LRRC27: variants seen among roughly 807,000 people sequenced by gnomAD.
LRRC27 encodes leucine rich repeat containing 27, also known as leucine-rich repeat-containing protein 27.
In LRRC27, 57 loss-of-function variants were observed where a neutral mutation model predicts 55.0. That is an observed-to-expected ratio of 1.04 (90% CI 0.84 to 1.29). LRRC27 has a LOEUF of 1.29. Ranked by LOEUF, LRRC27 falls within the 50% of genes most tolerant of loss-of-function variation. The pLI is 0.00. For synonymous variants in LRRC27, 278 were observed against 251.9 expected, an observed-to-expected ratio of 1.10 and a Z score of -0.98; for missense variants, 721 against 651.5, an observed-to-expected ratio of 1.11 and a Z score of -1.16.
At chr10:132,347,271 G>A (rs999198154) in intron 5 of LRRC27, among the ~76,000 whole-genome samples, 1 of 152,096 alleles carries the variant, frequency 6.6e-6, no homozygotes, top group African/African-American at 2.4e-5. Context: ...GGGAAGGTCA[G>A]GCGCGCCCGG....
chr10:132,349,409 C>T (rs2067895783), intron 6 of LRRC27, among the ~76,000 whole-genome samples: 2 of 152,168 alleles, frequency 1.3e-5, no homozygotes, highest in South Asian at 4.1e-4. Context: ...ACCTTGGAAG[C>T]ATCACTAAAA....
At chr10:132,331,821 T>C (rs1339612946), upstream of LRRC27, 31 of 1,551,180 alleles carry the variant, frequency 2.0e-5, no homozygotes, top group Non-Finnish European at 2.7e-5. Flanking sequence ...CCACCACCCC[T>C]TCAAGGCCGC....
chr10:132,335,481 G>C (rs895200216), intron 2 of LRRC27, among the ~76,000 whole-genome samples: 1 of 151,588 alleles, frequency 6.6e-6, no homozygotes, highest in African/African-American at 2.4e-5. Context: ...ACTATGGGGG[G>C]GGGTCACAGT....
intron 8 of LRRC27, among the ~76,000 whole-genome samples, chr10:132,358,266 C>T (rs978091399): frequency 3.4e-4 from 51 of 152,142 alleles, no homozygotes; most frequent in African/African-American, 1.1e-3. Context: ...GGACGTGAGG[C>T]GCCTGTGTGG....
At position 132,337,597 on chromosome 10, in the gene LRRC27, G is replaced by A. The variant is rs1461620448; in HGVS notation, c.243G>A (p.Val81=). The change falls in exon 3 of 11, where the codon GTG becomes GTA. Residue 81 remains valine, a synonymous_variant. Coordinates refer to ENST00000368614, the MANE Select transcript of LRRC27 (RefSeq NM_030626.3). The part of the protein sequence containing the change: ...QLHLQRNALC[V]IPQDFFQLLP... ...ATCTGCAAAGGAATGCCCTGTGTGT[G>A]ATTCCTCAAGATTTCTTTCAGTTGC... 1 of 1,614,204 alleles carries A rather than the reference G, an allele frequency of 6.2e-7. No homozygotes were observed. The highest frequency in any genetic ancestry group is 1.1e-5 in the South Asian group (1 of 91,084).
rs554668812 is a variant in LRRC27 at position 132,377,464 on chromosome 10, C to G, written c.*2222C>G. ...TAGCATTTCCTGAATGAGCCAATGACCCTGAGAAGGTCCCTCCCATCTGCC... is the reference window on the plus strand; with the variant it reads ...TAGCATTTCCTGAATGAGCCAATGAGCCTGAGAAGGTCCCTCCCATCTGCC... On this transcript the variant is annotated 3_prime_UTR_variant, in exon 11 of 11. Transcript: ENST00000368614. The G allele has an allele frequency of 2.0e-5, 3 of 152,280 alleles. No individual in the cohort carries two copies. In the South Asian group the frequency reaches 6.2e-4, roughly 32 times the overall value. 9.4% of individuals were successfully genotyped at this position (152,280 alleles called of 1,614,324 possible).
At chr10:132,353,168 C>T (rs41290021) in intron 7 of LRRC27, 9 of 1,427,236 alleles carry the variant, frequency 6.3e-6, no homozygotes, top group Admixed American at 2.8e-5. Context: ...AGCAGGAGGT[C>T]GAGGAGGAAG....
chr10:132,378,007 C>T lies in LRRC27; in HGVS notation c.*2765C>T, dbSNP rs1039280065. On this transcript the variant is annotated 3_prime_UTR_variant, in exon 11 of 11. Transcript: ENST00000368614. The stretch of plus-strand genomic sequence containing the variant: ...CCATCCTGGCTAACACGGTGAAACC[C>T]CGTCTCTACTAAAAAATACAAAAAA... The T allele has an allele frequency of 6.6e-6, 1 of 151,188 alleles. No homozygotes were observed. The highest frequency in any genetic ancestry group is 2.5e-5 in the African/African-American group (1 of 40,742). The allele number at this position is 151,188 out of a possible 1,614,324, so 9.4% of individuals were successfully genotyped here.
At chr10:132,345,762 A>C (rs745371624) in intron 5 of LRRC27, among the ~76,000 whole-genome samples, 7 of 152,102 alleles carry the variant, frequency 4.6e-5, no homozygotes, top group Non-Finnish European at 7.4e-5. Flanking sequence ...ACCGTCAGGC[A>C]CAGCCGGAGC....
chr10:132,368,465 A>G, intron 10 of LRRC27, among the ~76,000 whole-genome samples: 1 of 152,220 alleles, frequency 6.6e-6, no homozygotes, highest in East Asian at 1.9e-4. Flanking sequence ...TGTCAAAAGA[A>G]TAGACAAATA....
At chr10:132,346,496 G>A (rs374037205) in intron 5 of LRRC27, among the ~76,000 whole-genome samples, 2 of 152,140 alleles carry the variant, frequency 1.3e-5, no homozygotes, top group Non-Finnish European at 2.9e-5. Context: ...CTAACATGGT[G>A]AAACCCTGTC....
intron 10 of LRRC27, among the ~76,000 whole-genome samples, chr10:132,368,444 C>T (rs1454513784): frequency 6.6e-6 from 1 of 152,150 alleles, no homozygotes; most frequent in Non-Finnish European, 1.5e-5. Flanking sequence ...GCTACAATAA[C>T]AGTGTGATAT....
intron 10 of LRRC27, among the ~76,000 whole-genome samples, chr10:132,370,071 G>A (rs868828247): frequency 6.6e-6 from 1 of 152,134 alleles, no homozygotes; most frequent in African/African-American, 2.4e-5. Context: ...CTGGCCCTAC[G>A]GTGACACTGT....
chr10:132,370,820 G>T (rs930990763), intron 10 of LRRC27, among the ~76,000 whole-genome samples: 9 of 152,230 alleles, frequency 5.9e-5, no homozygotes, highest in Non-Finnish European at 7.3e-5. Context: ...TAGCAAAAAA[G>T]AAAGTACTGT....
chr10:132,333,804 G>A, intron 2 of LRRC27, 70 bp downstream of exon 2: 1 of 1,178,876 alleles, frequency 8.5e-7, no homozygotes, highest in Non-Finnish European at 1.2e-6. Context: ...ATGTACCCCT[G>A]GGCTTTATTT....
Position 132,349,040 on chromosome 10 carries a change from C to T in LRRC27, c.926+684C>T, listed in dbSNP as rs200609882. ...CGAATCATGGGCGTGGTAGGGCGTG[C>T]GCCTACACATATGGGAGGTATGTAT... On this transcript the variant is annotated intron_variant, in intron 6 of 10. Transcript: ENST00000368614. 4.9e-4 allele frequency: 782 copies of T among 1,607,408 alleles called. 9 individuals carry two copies. In the South Asian group the frequency reaches 7.6e-3, roughly 16 times the overall value.
chr10:132,334,623 A>G (rs1481151737), intron 2 of LRRC27, among the ~76,000 whole-genome samples: 8 of 152,246 alleles, frequency 5.3e-5, no homozygotes, highest in Non-Finnish European at 8.8e-5. Flanking sequence ...CTACATTTGC[A>G]TTGTCTTTGC....
chr10:132,334,701 C>T (rs893444180), intron 2 of LRRC27, among the ~76,000 whole-genome samples: 1 of 152,196 alleles, frequency 6.6e-6, no homozygotes, highest in East Asian at 1.9e-4. Context: ...GCACTGGTCA[C>T]AGGGACCTGC....
intron 6 of LRRC27, among the ~76,000 whole-genome samples, chr10:132,350,093 G>A (rs1345458076): frequency 1.3e-5 from 2 of 152,212 alleles, no homozygotes; most frequent in Non-Finnish European, 2.9e-5. Flanking sequence ...CATGGTGAGA[G>A]CAGCAGGCCC....
Sources: allele counts gnomAD v4.1 joint callset (sites outside exome capture counted in the v4.1 genomes callset), GRCh38; gene constraint gnomAD v4.1.1; transcripts MANE v1.5; gene names NCBI Gene and HGNC (gene_info 2026-07-23, HGNC 2026-07-21).